Variants in KIF26B observed in about 807,000 individuals in gnomAD.
The protein encoded by KIF26B is kinesin-like protein KIF26B.
KIF26B carries 63 observed loss-of-function variants against 151.2 expected under a neutral mutation model. The ratio of observed to expected loss-of-function variants is 0.42; its 90% CI spans 0.34 to 0.51. The LOEUF (loss-of-function observed/expected upper bound fraction) is 0.51. Ranked by LOEUF, KIF26B falls within the 20% of genes least tolerant of loss-of-function variation. The probability of loss-of-function intolerance (pLI) is 0.07; values close to 1 mark genes in which losing one functional copy is unlikely to be tolerated. For synonymous variants in KIF26B, 1,357 were observed against 1,262.1 expected (o/e 1.08, Z -1.59); for missense variants, 2,813 against 2,913.6 (o/e 0.97, Z 0.79).
intron 4 of KIF26B, among the ~76,000 whole-genome samples, chr1:245,425,137 A>G (rs1225193714): frequency 1.3e-5 from 2 of 149,966 alleles, no homozygotes; most frequent in East Asian, 3.9e-4. Flanking sequence ...AGATTTTCCC[A>G]TTTGCTGACA....
At chr1:245,596,889 G>A (rs1336975557) in intron 5 of KIF26B, among the ~76,000 whole-genome samples, 2 of 152,078 alleles carry the variant, frequency 1.3e-5, no homozygotes, top group East Asian at 1.9e-4. Flanking sequence ...ATTATGTAAC[G>A]CCTTAATTGT....
intron 4 of KIF26B, among the ~76,000 whole-genome samples, chr1:245,478,300 A>C (rs1660085086): frequency 6.6e-6 from 1 of 151,650 alleles, no homozygotes; most frequent in Admixed American, 6.6e-5. Flanking sequence ...ATGAACGTTC[A>C]TATCCACGTT....
chr1:245,486,687 T>TG (rs1029016651), intron 4 of KIF26B, among the ~76,000 whole-genome samples: 4 of 151,490 alleles, frequency 2.6e-5, no homozygotes, highest in African/African-American at 7.3e-5. Context: ...AATTTTTTTT[T>TG]GGGACGAGGT....
intron 4 of KIF26B, among the ~76,000 whole-genome samples, chr1:245,424,630 T>G (rs563034662): frequency 7.2e-5 from 11 of 152,338 alleles, no homozygotes; most frequent in Non-Finnish European, 1.0e-4. Context: ...TCTGTGCTGG[T>G]CCACACACGG....
chr1:245,645,102 C>A (rs1024449850), intron 9 of KIF26B, among the ~76,000 whole-genome samples: 1 of 152,152 alleles, frequency 6.6e-6, no homozygotes, highest in Non-Finnish European at 1.5e-5. Flanking sequence ...ATGGGAAGGG[C>A]ACTAAGCTGT....
rs143093617 is a variant in KIF26B at position 245,575,654 on chromosome 1, G to A, written c.1351-26923G>A. 2.3e-3 allele frequency among the ~76,000 whole-genome samples: 347 copies of A among 152,200 alleles called. 6 individuals are homozygous for A. The highest frequency in any genetic ancestry group is 8.1e-3 in the African/African-American group (338 of 41,512). On this transcript the variant is annotated intron_variant, in intron 5 of 14. Transcript: ENST00000407071. Reference sequence around the variant, plus strand: ...TCTCCAACTTTCCCCTCAGAGAGTGGCTTGTCTAAATCACCCAAATTACCA... The same window carrying A: ...TCTCCAACTTTCCCCTCAGAGAGTGACTTGTCTAAATCACCCAAATTACCA...
In KIF26B at chr1:245,597,795, T is replaced by C. The variant is rs1197074034; in HGVS notation, c.1351-4782T>C. Among the ~76,000 whole-genome samples, 4 of 152,214 alleles carry C rather than the reference T, an allele frequency of 2.6e-5. No homozygotes were observed. The highest frequency in any genetic ancestry group is 6.5e-5 in the Admixed American group (1 of 15,286). On this transcript the variant is annotated intron_variant, in intron 5 of 14. Transcript: ENST00000407071. The surrounding 1 kb of genome is among the most constrained non-coding windows in gnomAD (Gnocchi z 4.6). ...CAAACATAGGTTTGGTCTTTTCACA[T>C]AGTTCCATATTTCTTGGAGGCTTTG...
At chr1:245,608,107 G>A (rs895090124) in intron 7 of KIF26B, among the ~76,000 whole-genome samples, 2 of 152,150 alleles carry the variant, frequency 1.3e-5, no homozygotes, top group African/African-American at 4.8e-5. Context: ...TGAGGATGTG[G>A]GTTGGTGGTT....
At chr1:245,566,660 T>C (rs1287418736) in intron 5 of KIF26B, among the ~76,000 whole-genome samples, 1 of 152,228 alleles carries the variant, frequency 6.6e-6, no homozygotes, top group African/African-American at 2.4e-5. Context: ...CTGGGCGTGG[T>C]GGCTCACACT....
chr1:245,372,664 C>G (rs1673156132), intron 3 of KIF26B, among the ~76,000 whole-genome samples: 1 of 152,150 alleles, frequency 6.6e-6, no homozygotes, highest in African/African-American at 2.4e-5. Context: ...GATTAGTTAC[C>G]TCTTTTTGAA....
chr1:245,659,555 C>T (rs1370345006), intron 10 of KIF26B, among the ~76,000 whole-genome samples: 1 of 152,154 alleles, frequency 6.6e-6, no homozygotes, highest in South Asian at 2.1e-4. Context: ...CATATATTTG[C>T]TCTACCGGGT....
At chr1:245,551,313 G>A (rs1462819847) in intron 5 of KIF26B, among the ~76,000 whole-genome samples, 2 of 152,170 alleles carry the variant, frequency 1.3e-5, no homozygotes, top group Non-Finnish European at 2.9e-5. Context: ...AAAGTGTTGG[G>A]ATTACAAACA....
At chr1:245,402,394 C>T (rs1674029849) in intron 3 of KIF26B, among the ~76,000 whole-genome samples, 1 of 152,192 alleles carries the variant, frequency 6.6e-6, no homozygotes, top group Non-Finnish European at 1.5e-5. Context: ...GAGCCCACGC[C>T]TCTCATTCTC....
At position 245,367,163 on chromosome 1, in the gene KIF26B, C is replaced by T. The variant is rs201852714; in HGVS notation, c.795C>T (p.Gly265=). The part of the protein sequence containing the change: ...SNYTGFANKH[G]SKPSSLGVSN... ...ACACAGGCTTCGCCAACAAGCACGG[C>T]AGCAAACCCAGCAGCCTTGGGGTCA... The change falls in exon 3 of 15, where the codon GGC becomes GGT. Residue 265 remains glycine, a synonymous_variant. Transcript: ENST00000407071. The surrounding 1 kb of genome is among the most constrained non-coding windows in gnomAD (Gnocchi z 4.2). The T allele has an allele frequency of 6.4e-4, 1,020 of 1,605,226 alleles. 4 individuals carry two copies. Among genetic ancestry groups the T allele is most frequent in the Non-Finnish European group, 4.2e-4 (496 of 1,175,902 alleles).
At chr1:245,478,562 G>T (rs1484214093) in intron 4 of KIF26B, among the ~76,000 whole-genome samples, 1 of 151,308 alleles carries the variant, frequency 6.6e-6, no homozygotes, top group Non-Finnish European at 1.5e-5. Context: ...CGAGTAGCTG[G>T]GACTACACCA....
intron 2 of KIF26B, among the ~76,000 whole-genome samples, chr1:245,335,078 C>T (rs1672194309): frequency 6.6e-6 from 1 of 152,184 alleles, no homozygotes; most frequent in African/African-American, 2.4e-5. Context: ...GGCCCAGCAC[C>T]AGTGCAGCAT....
chr1:245,242,299 G>A (rs550091527), intron 2 of KIF26B, among the ~76,000 whole-genome samples: 4 of 152,190 alleles, frequency 2.6e-5, no homozygotes, highest in South Asian at 2.1e-4. Context: ...CTGCTATGCC[G>A]TATGTACTTC....
chr1:245,258,030 A>T (rs1670571821), intron 2 of KIF26B, among the ~76,000 whole-genome samples: 1 of 151,874 alleles, frequency 6.6e-6, no homozygotes, highest in Non-Finnish European at 1.5e-5. Context: ...TAAAAAAAAA[A>T]AATGTTGCTC....
chr1:245,669,728 G>A (rs2044260440), intron 10 of KIF26B, among the ~76,000 whole-genome samples: 1 of 152,192 alleles, frequency 6.6e-6, no homozygotes, highest in South Asian at 2.1e-4. Context: ...TTGCTGGTGG[G>A]AATGTAAAAT....
Sources: allele counts gnomAD v4.1 joint callset (sites outside exome capture counted in the v4.1 genomes callset), GRCh38; gene constraint gnomAD v4.1.1; non-coding constraint Gnocchi (gnomAD v3.1); transcripts MANE v1.5; gene names NCBI Gene and HGNC (gene_info 2026-07-23, HGNC 2026-07-21).